RSRC1: variants seen among roughly 807,000 people sequenced by gnomAD.
RSRC1 encodes serine/Arginine-related protein 53.
RSRC1 carries 39 observed loss-of-function variants against 49.1 expected under a neutral mutation model. The observed-to-expected ratio is 0.79, with a 90% CI of 0.61 to 1.04. RSRC1 has a LOEUF of 1.04. RSRC1 is among the 50% of genes least tolerant of loss of function. The probability of loss-of-function intolerance (pLI) is 0.00; values close to 1 mark genes in which losing one functional copy is unlikely to be tolerated. For synonymous variants in RSRC1, 143 were observed against 130.8 expected (o/e 1.09, Z -0.63); for missense variants, 388 against 402.4 (o/e 0.96, Z 0.31).
chr3:158,484,189 G>A (rs535207638), intron 7 of RSRC1, among the ~76,000 whole-genome samples: 2 of 152,204 alleles, frequency 1.3e-5, no homozygotes, highest in East Asian at 3.9e-4. Flanking sequence ...ACCTCTGCAG[G>A]CAGATAATAC....
At chr3:158,489,235 A>C (rs1978780) in intron 7 of RSRC1, among the ~76,000 whole-genome samples, 1 of 152,178 alleles carries the variant, frequency 6.6e-6, no homozygotes, top group Non-Finnish European at 1.5e-5. Context: ...AAACTCTGCT[A>C]TGTGAATGGG....
At position 158,125,303 on chromosome 3, in the gene RSRC1, G is replaced by A. The variant is rs78533610; in HGVS notation, c.320+1312G>A. Among the ~76,000 whole-genome samples the A allele has an allele frequency of 2.5e-3, 375 of 151,528 alleles. 3 individuals carry two copies. The highest frequency in any genetic ancestry group is 4.8e-3 in the Non-Finnish European group (323 of 67,862). Reference sequence around the variant, plus strand: ...TAATTTGTTCTTTATTTAGTTCCTTGAAGTATTAAGTATGATATGAGACTT... The same window carrying A: ...TAATTTGTTCTTTATTTAGTTCCTTAAAGTATTAAGTATGATATGAGACTT... On this transcript the variant is annotated intron_variant, in intron 3 of 9. Coordinates refer to ENST00000611884, the MANE Select transcript of RSRC1 (RefSeq NM_001271838.2).
chr3:158,492,236 A>T (rs1044093445), intron 7 of RSRC1, among the ~76,000 whole-genome samples: 1 of 152,206 alleles, frequency 6.6e-6, no homozygotes, highest in African/African-American at 2.4e-5. Context: ...ACCTCCCACC[A>T]GGTCCCTCCC....
At chr3:158,357,018 C>G (rs943606044) in intron 6 of RSRC1, among the ~76,000 whole-genome samples, 3 of 152,082 alleles carry the variant, frequency 2.0e-5, no homozygotes, top group Non-Finnish European at 4.4e-5. Flanking sequence ...TGAGAAGCAT[C>G]CAAAATTATG....
At chr3:158,498,671 A>G (rs1463731220) in intron 7 of RSRC1, among the ~76,000 whole-genome samples, 1 of 152,132 alleles carries the variant, frequency 6.6e-6, no homozygotes, top group Non-Finnish European at 1.5e-5. Context: ...GGGTTTTTAC[A>G]ATGTTATCTT....
intron 3 of RSRC1, among the ~76,000 whole-genome samples, chr3:158,165,346 G>A (rs1343915358): frequency 6.6e-6 from 1 of 152,194 alleles, no homozygotes; most frequent in East Asian, 1.9e-4. Context: ...TTTGAGCATA[G>A]CTCATATGAG....
At chr3:158,485,510 TAA>T (rs1251650610) in intron 7 of RSRC1, among the ~76,000 whole-genome samples, 2 of 152,246 alleles carry the variant, frequency 1.3e-5, no homozygotes, top group Non-Finnish European at 2.9e-5. Flanking sequence ...TGCCTCTGAT[TAA>T]GTCTTTTCCT....
At chr3:158,193,581 G>A (rs571029288) in intron 3 of RSRC1, among the ~76,000 whole-genome samples, 36 of 152,116 alleles carry the variant, frequency 2.4e-4, no homozygotes, top group African/African-American at 8.4e-4. Context: ...TGCATATAAC[G>A]TATTTATATT....
intron 6 of RSRC1, among the ~76,000 whole-genome samples, chr3:158,429,867 G>A (rs1485644647): frequency 6.6e-6 from 1 of 151,624 alleles, no homozygotes; most frequent in Non-Finnish European, 1.5e-5. Context: ...GTGGTTACCG[G>A]GTTCTGTGGG....
chr3:158,492,286 G>A (rs1739117652), intron 7 of RSRC1, among the ~76,000 whole-genome samples: 1 of 152,168 alleles, frequency 6.6e-6, no homozygotes, highest in Non-Finnish European at 1.5e-5. Context: ...AGATTCAGGT[G>A]GGGACACAGA....
At chr3:158,535,300 A>G (rs1712658086) in intron 7 of RSRC1, among the ~76,000 whole-genome samples, 1 of 151,414 alleles carries the variant, frequency 6.6e-6, no homozygotes, top group African/African-American at 2.4e-5. Context: ...ATACATATAC[A>G]TATTAAGAAA....
chr3:158,354,281 G>A lies in RSRC1; in HGVS notation c.532-576G>A, dbSNP rs530035475. ...TGGGATTACGGGCGTCAGCCACTGC[G>A]TCCGGCTGGAAATTAGTTTAGTTTC... On this transcript the variant is annotated intron_variant, in intron 5 of 9. Transcript: ENST00000611884. 7.4e-4 allele frequency among the ~76,000 whole-genome samples: 112 copies of A among 152,198 alleles called. 1 individual carries two copies. In the South Asian group the frequency reaches 0.019, roughly 26 times the overall value.
At chr3:158,333,064 G>A (rs1176298605) in intron 5 of RSRC1, among the ~76,000 whole-genome samples, 1 of 151,854 alleles carries the variant, frequency 6.6e-6, no homozygotes, top group Non-Finnish European at 1.5e-5. Context: ...CGCCTCCCGG[G>A]TTCACGCCAT....
At chr3:158,235,589 T>C (rs111710293) in intron 4 of RSRC1, among the ~76,000 whole-genome samples, 5,835 of 152,282 alleles carry the variant, frequency 0.038, 152 homozygotes, top group Non-Finnish European at 0.058. Context: ...TGAGTTCATA[T>C]ATATTTTAAA....
chr3:158,169,414 C>T (rs1718737778), intron 3 of RSRC1, among the ~76,000 whole-genome samples: 1 of 152,072 alleles, frequency 6.6e-6, no homozygotes, highest in Admixed American at 6.6e-5. Context: ...CTTATTCTTC[C>T]CACCCTGGAA....
intron 7 of RSRC1, among the ~76,000 whole-genome samples, chr3:158,535,570 T>G (rs1271638549): frequency 6.6e-6 from 1 of 151,350 alleles, no homozygotes; most frequent in Non-Finnish European, 1.5e-5. Flanking sequence ...TTCTCCATTA[T>G]AAAGAGCCTG....
intron 3 of RSRC1, among the ~76,000 whole-genome samples, chr3:158,147,468 A>C (rs1479766048): frequency 6.6e-6 from 1 of 151,096 alleles, no homozygotes; most frequent in African/African-American, 2.4e-5. Context: ...CATTTAAGCC[A>C]TTGTCATACT....
In RSRC1 at chr3:158,404,840, C is replaced by G. The variant is rs528236433; in HGVS notation, c.583+49932C>G. ...TTTTTCAATTTGTTCCATTTGTCCT[C>G]CCTCAAACTGGGTAATGAATACTTA... is the stretch of plus-strand genomic sequence containing the variant. On this transcript the variant is annotated intron_variant, in intron 6 of 9. Transcript: ENST00000611884. 3.3e-5 allele frequency among the ~76,000 whole-genome samples: 5 copies of G among 152,030 alleles called. No individual in the cohort carries two copies. In the South Asian group the frequency reaches 1.0e-3, roughly 32 times the overall value.
At chr3:158,279,505 C>G (rs2108072751) in intron 4 of RSRC1, among the ~76,000 whole-genome samples, 1 of 152,312 alleles carries the variant, frequency 6.6e-6, no homozygotes, top group African/African-American at 2.4e-5. Context: ...TTACTGATCC[C>G]TGATTTGTAC....
Sources: gnomAD v4.1 joint callset for allele counts (sites outside exome capture counted in the v4.1 genomes callset) on GRCh38, gnomAD v4.1.1 for gene constraint, MANE v1.5 for transcripts, NCBI Gene and HGNC (gene_info 2026-07-23, HGNC 2026-07-21) for gene names.